The following ZNF317 variants were observed in gnomAD, a reference collection of about 807,000 sequenced individuals.
The protein encoded by ZNF317 is KRAB-containing zinc finger protein 317.
Under a neutral mutation model 23.4 loss-of-function variants are expected in ZNF317, and 17 were observed. The ratio of observed to expected loss-of-function variants is 0.73; its 90% CI spans 0.50 to 1.09. The LOEUF is 1.09. Among genes scored for constraint, ZNF317 ranks in the 50% least tolerant of loss-of-function variants. ZNF317 has a pLI of 0.00. For synonymous variants in ZNF317, 317 were observed against 314.9 expected (o/e 1.01, Z -0.07); for missense variants, 679 against 796.7 (o/e 0.85, Z 1.78).
chr19:9,151,014 T>C (rs2145947928), intron 1 of ZNF317, among the ~76,000 whole-genome samples: 1 of 152,316 alleles, frequency 6.6e-6, no homozygotes, highest in East Asian at 1.9e-4. Context: ...TCTCATACCT[T>C]GTAAACACTA....
At chr19:9,155,782 CTAAG>C in intron 1 of ZNF317, 139 bp from the exon 2 acceptor site, 1 of 587,592 alleles carries the variant, frequency 1.7e-6, no homozygotes, top group Non-Finnish European at 3.1e-6. Flanking sequence ...GAGAGTTTAC[CTAAG>C]TAAGATAAAA....
At chr19:9,153,561 G>T (rs1345964947) in intron 1 of ZNF317, among the ~76,000 whole-genome samples, 1 of 152,178 alleles carries the variant, frequency 6.6e-6, no homozygotes, top group Non-Finnish European at 1.5e-5. Flanking sequence ...TAGAGATGGG[G>T]ATTCAGGTTA....
In ZNF317 at chr19:9,160,235, G is replaced by A. The variant is rs771413136; in HGVS notation, c.590G>A (p.Arg197His). Residue 197 changes from arginine (R) to histidine (H), a missense_variant, in exon 7 of 7, where the codon CGC becomes CAC. Arg to His is a conservative substitution (Grantham distance 29). Coordinates refer to ENST00000247956, the MANE Select transcript of ZNF317 (RefSeq NM_020933.5). The surrounding 1 kb of genome is among the most constrained non-coding windows in gnomAD (Gnocchi z 6.8). ...GCTGGCAAGAGGCCCTATCACCGCC[G>A]CGACTATGGGGTAGCGTTCAAGGGC... ...RHAGKRPYHRRDYGVAFKGRP... is the reference protein window; with the variant it reads ...RHAGKRPYHRHDYGVAFKGRP... The A allele has an allele frequency of 9.3e-6, 15 of 1,614,014 alleles. No homozygotes were observed. The highest frequency in any genetic ancestry group is 6.7e-5 in the African/African-American group (5 of 74,914).
At position 9,162,619 on chromosome 19, in the gene ZNF317, ACT is replaced by A. The variant is rs1459092673; in HGVS notation, c.*1192_*1193del. ...TTCCGGTGAATACGGGACTGCACGTACTCTCTCATCATGAAAACAGAGCCCCG... is the reference window on the plus strand; with the variant it reads ...TTCCGGTGAATACGGGACTGCACGTACTCTCATCATGAAAACAGAGCCCCG... On this transcript the variant is annotated 3_prime_UTR_variant, in exon 7 of 7. Coordinates refer to ENST00000247956, the MANE Select transcript of ZNF317 (RefSeq NM_020933.5). The A allele has an allele frequency of 1.6e-4, 24 of 151,216 alleles. No individual in the cohort carries two copies. The highest frequency in any genetic ancestry group is 5.3e-4 in the African/African-American group (22 of 41,162). 9.4% of individuals were successfully genotyped at this position (151,216 alleles called of 1,614,324 possible).
chr19:9,143,699 G>A (rs1354752022), intron 1 of ZNF317, among the ~76,000 whole-genome samples: 4 of 150,442 alleles, frequency 2.7e-5, no homozygotes, highest in Admixed American at 2.6e-4. Context: ...ATTTGTGAGA[G>A]CTCTGGTGGT....
At chr19:9,148,964 A>C (rs1399574853) in intron 1 of ZNF317, among the ~76,000 whole-genome samples, 1 of 152,180 alleles carries the variant, frequency 6.6e-6, no homozygotes, top group African/African-American at 2.4e-5. Flanking sequence ...TCTATGACCA[A>C]CATGGCCAAG....
intron 1 of ZNF317, among the ~76,000 whole-genome samples, chr19:9,148,348 G>T (rs983182728): frequency 2.6e-5 from 4 of 152,206 alleles, no homozygotes; most frequent in Non-Finnish European, 2.9e-5. Flanking sequence ...CATCGACAAG[G>T]TTCCACAGAC....
intron 4 of ZNF317, chr19:9,157,761 A>G (rs933665480): frequency 3.9e-4 from 507 of 1,295,054 alleles, no homozygotes; most frequent in Non-Finnish European, 4.7e-4. Context: ...ACTCCTGGCT[A>G]CAGGCACGAG....
chr19:9,159,367 C>T (rs1408667488), intron 6 of ZNF317, among the ~76,000 whole-genome samples: 1 of 152,088 alleles, frequency 6.6e-6, no homozygotes, highest in African/African-American at 2.4e-5. Flanking sequence ...TGCCACCACA[C>T]TTGGCTGATT....
intron 1 of ZNF317, among the ~76,000 whole-genome samples, chr19:9,153,863 T>C (rs2050758356): frequency 6.6e-6 from 1 of 152,088 alleles, no homozygotes; most frequent in Admixed American, 6.6e-5. Context: ...GGGATGATGG[T>C]AGTGGATGCT....
At position 9,161,500 on chromosome 19, in the gene ZNF317, C is replaced by G. The variant is rs190495074; in HGVS notation, c.*67C>G. ...CAGACCTCGTGGGTGTAAGAGGAAG[C>G]CTCTGTGAGCTCGCACCTTACTGGG... On this transcript the variant is annotated 3_prime_UTR_variant, in exon 7 of 7. Transcript: ENST00000247956. This position sits in a 1 kb window ranked among gnomAD's most constrained non-coding sequence, Gnocchi z 4.0. 6.5e-7 allele frequency: 1 copy of G among 1,535,816 alleles called. No individual in the cohort carries two copies. Among genetic ancestry groups the G allele is most frequent in the African/African-American group, 1.4e-5 (1 of 72,608 alleles).
intron 1 of ZNF317, among the ~76,000 whole-genome samples, chr19:9,146,442 T>C (rs1002952434): frequency 6.6e-6 from 1 of 150,926 alleles, no homozygotes; most frequent in African/African-American, 2.4e-5. Context: ...TTTTTTTTTT[T>C]TGAGGCAGTG....
At chr19:9,151,498 G>C (rs540155035) in intron 1 of ZNF317, among the ~76,000 whole-genome samples, 1 of 151,960 alleles carries the variant, frequency 6.6e-6, no homozygotes, top group African/African-American at 2.4e-5. Context: ...GCAGCGTCAC[G>C]GTTCTTACAT....
At chr19:9,158,379 TTTTTTTTTTTTTG>T (rs2050810799) in intron 5 of ZNF317, among the ~76,000 whole-genome samples, 1 of 130,170 alleles carries the variant, frequency 7.7e-6, no homozygotes, top group African/African-American at 3.1e-5. Flanking sequence ...TTTTTTTTTT[TTTTTTTTTTTTTG>T]ACGGAGTCTC....
At position 9,160,290 on chromosome 19, in the gene ZNF317, G is replaced by C; in HGVS notation, c.645G>C (p.Met215Ile). 1 of 1,614,222 alleles carries C rather than the reference G, an allele frequency of 6.2e-7. No homozygotes were observed. The highest frequency in any genetic ancestry group is 8.5e-7 in the Non-Finnish European group (1 of 1,180,042). Residue 215 changes from methionine (M) to isoleucine (I), a missense_variant, in exon 7 of 7, where the codon ATG becomes ATC. Transcript: ENST00000247956. The surrounding 1 kb of genome is among the most constrained non-coding windows in gnomAD (Gnocchi z 6.8). Reference protein sequence around the residue: ...GRPHLTQHMSMYDGRKMHECH... With the variant: ...GRPHLTQHMSIYDGRKMHECH... ...CGCACCTCACTCAGCACATGAGCAT[G>C]TACGACGGGAGAAAAATGCATGAAT... is the stretch of plus-strand genomic sequence containing the variant.
At chr19:9,150,403 T>C (rs1030816553) in intron 1 of ZNF317, among the ~76,000 whole-genome samples, 2 of 152,210 alleles carry the variant, frequency 1.3e-5, no homozygotes, top group African/African-American at 4.8e-5. Context: ...TTTGATGAAC[T>C]GACTCTTGGG....
chr19:9,157,564 C>A, intron 4 of ZNF317, 170 bp downstream of exon 4: 1 of 828,636 alleles, frequency 1.2e-6, no homozygotes, highest in Non-Finnish European at 1.8e-6. Flanking sequence ...CCATCTATTG[C>A]AGGGACCATG....
intron 6 of ZNF317, among the ~76,000 whole-genome samples, chr19:9,159,589 C>T (rs932134170): frequency 6.6e-6 from 1 of 151,700 alleles, no homozygotes; most frequent in South Asian, 2.1e-4. Context: ...TCTTGTCACC[C>T]AGGCTGGAGT....
chr19:9,142,105 T>C (rs1394185261), intron 1 of ZNF317, among the ~76,000 whole-genome samples: 1 of 152,158 alleles, frequency 6.6e-6, no homozygotes, highest in Non-Finnish European at 1.5e-5. Flanking sequence ...GATGTCCGGC[T>C]CAGTAAAGTT....
Sources: allele counts gnomAD v4.1 joint callset (sites outside exome capture counted in the v4.1 genomes callset), GRCh38; gene constraint gnomAD v4.1.1; non-coding constraint Gnocchi (gnomAD v3.1); transcripts MANE v1.5; gene names NCBI Gene and HGNC (gene_info 2026-07-23, HGNC 2026-07-21).